Variants in ANKHD1 observed in about 807,000 individuals in gnomAD.
The protein encoded by ANKHD1 is ankyrin repeat and KH domain containing 1.
In ANKHD1, 31 loss-of-function variants were observed where a neutral mutation model predicts 230.5. The observed-to-expected ratio is 0.13, with a 90% CI of 0.10 to 0.18. The LOEUF (loss-of-function observed/expected upper bound fraction) is 0.18, where lower values mean the gene tolerates loss of function less well. Ranked by LOEUF, ANKHD1 falls within the 10% of genes least tolerant of loss-of-function variation. ANKHD1 has a pLI of 1.00. For missense variants in ANKHD1, 2,256 were observed against 3,071.3 expected (o/e 0.73, Z 6.27); for synonymous variants, 1,074 against 1,117.6 (o/e 0.96, Z 0.78).
rs775263834 is a variant in ANKHD1 at position 140,512,818 on chromosome 5, C to T, written c.4105-10C>T. 1.6e-5 allele frequency: 25 copies of T among 1,576,098 alleles called. No individual in the cohort carries two copies. Among genetic ancestry groups the T allele is most frequent in the African/African-American group, 2.7e-5 (2 of 72,736 alleles). On this transcript the variant is annotated splice_polypyrimidine_tract_variant and intron_variant, in intron 22 of 33. Transcript: ENST00000360839. Reference sequence around the variant, plus strand: ...TGCTACCTTGTCTAAGATTGTTGTACTTCTTATAGGGTCATGTAAAAGTTG... The same window carrying T: ...TGCTACCTTGTCTAAGATTGTTGTATTTCTTATAGGGTCATGTAAAAGTTG...
At chr5:140,489,636 A>T (rs1439555864) in intron 14 of ANKHD1, among the ~76,000 whole-genome samples, 1 of 152,150 alleles carries the variant, frequency 6.6e-6, no homozygotes, top group South Asian at 2.1e-4. Flanking sequence ...TTAAGTTTAT[A>T]CTCTAGTGAG....
At chr5:140,516,198 G>A (rs1032479052) in intron 24 of ANKHD1, among the ~76,000 whole-genome samples, 7 of 152,146 alleles carry the variant, frequency 4.6e-5, no homozygotes, top group South Asian at 4.1e-4. Context: ...GGGTATCAGC[G>A]ATGGAAAATG....
rs1753717187 is a variant in ANKHD1, at chr5:140,529,228, G to A, written c.6282G>A (p.Met2094Ile). 1 of 1,614,184 alleles carries A rather than the reference G, an allele frequency of 6.2e-7. No homozygotes were observed. ...TGTCTGATTTAAGTCCTATGTCAAT[G>A]CCTTTTGCATCTAACTCAGAACCTG... is the stretch of plus-strand genomic sequence containing the variant. ...SSVSDLSPMS[M>I]PFASNSEPAP... The change falls in exon 29 of 34, where the codon ATG becomes ATA. Residue 2094 changes from methionine (M) to isoleucine (I), a missense_variant. By Grantham distance (10) the Met-to-Ile change is conservative. This residue lies in a region of ANKHD1 where 778 missense variants were observed against 966.5 expected (regional missense o/e 0.80). Transcript: ENST00000360839.
chr5:140,441,320 A>C (rs750157185), intron 5 of ANKHD1, among the ~76,000 whole-genome samples, 178 bp downstream of exon 5: 10 of 152,202 alleles, frequency 6.6e-5, no homozygotes, highest in Non-Finnish European at 1.3e-4. Flanking sequence ...TCTTTAAAAC[A>C]CACTTAGAGT....
rs1358381610 is a variant in ANKHD1 at position 140,402,376 on chromosome 5, T to C, written c.306+103T>C. On this transcript the variant is annotated intron_variant, in intron 1 of 33. Transcript: ENST00000360839. ...CCTCCCGCTTCCCTGGTGGAGCCCT[T>C]CTGTGACAGCGGTCGGCTCCATGGC... is the stretch of plus-strand genomic sequence containing the variant. 18 of 1,357,710 alleles carry C rather than the reference T, an allele frequency of 1.3e-5. No homozygotes were observed. In the African/African-American group the frequency reaches 2.2e-4, roughly 16 times the overall value. 84.1% of individuals were successfully genotyped at this position (1,357,710 alleles called of 1,614,324 possible).
At chr5:140,494,651 C>CA (rs1426345922) in intron 14 of ANKHD1, among the ~76,000 whole-genome samples, 1 of 151,824 alleles carries the variant, frequency 6.6e-6, no homozygotes, top group African/African-American at 2.4e-5. Flanking sequence ...TCTATTCTAG[C>CA]AAAAAAGTAG....
At chr5:140,449,470 C>T (rs1256041151) in intron 7 of ANKHD1, among the ~76,000 whole-genome samples, 165 bp downstream of exon 7, 1 of 152,112 alleles carries the variant, frequency 6.6e-6, no homozygotes, top group Non-Finnish European at 1.5e-5. Context: ...CGAGACCAGC[C>T]TGGCCAGTAT....
rs1322015116 is a variant in ANKHD1, at chr5:140,500,429, C to G, written c.3004+3151C>G. ...TGGCAGGCAGAGGCAGGCGGCGGAT[C>G]ACTTGAAATCAGGAGTTCAAGACCA... On this transcript the variant is annotated intron_variant, in intron 15 of 33. Transcript: ENST00000360839. Among the ~76,000 whole-genome samples the G allele has an allele frequency of 5.9e-5, 9 of 151,906 alleles. No homozygotes were observed. In the East Asian group the frequency reaches 1.7e-3, roughly 29 times the overall value.
At position 140,428,083 on chromosome 5, in the gene ANKHD1, C is replaced by G. The variant is rs574249420; in HGVS notation, c.307-8021C>G. 3.4e-3 allele frequency among the ~76,000 whole-genome samples: 513 copies of G among 151,922 alleles called. 2 individuals carry two copies. Among genetic ancestry groups the G allele is most frequent in the Admixed American group, 0.011 (161 of 15,276 alleles). Reference sequence around the variant, plus strand: ...CCTCACTTCCTAGATGGGATGGCGGCCGGGAAGAGGTGCTCCTCACTTCCT... The same window carrying G: ...CCTCACTTCCTAGATGGGATGGCGGGCGGGAAGAGGTGCTCCTCACTTCCT... On this transcript the variant is annotated intron_variant, in intron 1 of 33. Coordinates refer to ENST00000360839, the MANE Select transcript of ANKHD1 (RefSeq NM_017747.3).
chr5:140,501,883 T>G (rs866804720), intron 15 of ANKHD1, among the ~76,000 whole-genome samples: 2 of 152,130 alleles, frequency 1.3e-5, no homozygotes, highest in Admixed American at 1.3e-4. Flanking sequence ...ATACTGTACT[T>G]ACTTCTCTCA....
rs140261862 is a variant in ANKHD1 at position 140,421,596 on chromosome 5, C to T, written c.307-14508C>T. 2.1e-3 allele frequency among the ~76,000 whole-genome samples: 325 copies of T among 152,184 alleles called. 4 individuals carry two copies. In the East Asian group the frequency reaches 0.045, roughly 21 times the overall value. On this transcript the variant is annotated intron_variant, in intron 1 of 33. Transcript: ENST00000360839. Reference sequence around the variant, plus strand: ...GATTACAGGCTTGAGCCACCGTGCCCGGCCGAGTTTTTGCATCTCGTAACA... The same window carrying T: ...GATTACAGGCTTGAGCCACCGTGCCTGGCCGAGTTTTTGCATCTCGTAACA...
At chr5:140,435,654 C>G (rs1677965235) in intron 1 of ANKHD1, among the ~76,000 whole-genome samples, 1 of 152,076 alleles carries the variant, frequency 6.6e-6, no homozygotes. Flanking sequence ...GCTAGGATTA[C>G]AGGTGTGAGC....
intron 9 of ANKHD1, among the ~76,000 whole-genome samples, chr5:140,462,754 AT>A (rs1459454496): frequency 7.0e-6 from 1 of 143,212 alleles, no homozygotes; most frequent in African/African-American, 2.5e-5. Flanking sequence ...GGCAAGAAAA[AT>A]GTTTGTCTTT....
chr5:140,416,142 A>C (rs547730800), intron 1 of ANKHD1, among the ~76,000 whole-genome samples: 1 of 152,334 alleles, frequency 6.6e-6, no homozygotes, highest in African/African-American at 2.4e-5. Context: ...GCTGCATAGC[A>C]TTCCATGGTG....
Position 140,485,756 on chromosome 5 carries a change from G to T in ANKHD1, c.2142+24G>T, listed in dbSNP as rs1405349737. 6.2e-7 allele frequency: 1 copy of T among 1,607,668 alleles called. No individual in the cohort carries two copies. Among genetic ancestry groups the T allele is most frequent in the Admixed American group, 1.7e-5 (1 of 57,984 alleles). ...AGGTAAAGTAAAATGGAGCTTGTTT[G>T]TTAATATAAATATTCTTCAACATGA... On this transcript the variant is annotated intron_variant, in intron 13 of 33. Transcript: ENST00000360839. This position sits in a 1 kb window ranked among gnomAD's most constrained non-coding sequence, Gnocchi z 4.8.
chr5:140,490,013 A>G (rs1186993170), intron 14 of ANKHD1, among the ~76,000 whole-genome samples: 1 of 152,262 alleles, frequency 6.6e-6, no homozygotes, highest in African/African-American at 2.4e-5. Context: ...AGGAAAACCT[A>G]TCTTAAATAA....
intron 20 of ANKHD1, 147 bp from the exon 21 acceptor site, chr5:140,509,490 C>A: frequency 1.1e-6 from 1 of 933,648 alleles, no homozygotes; most frequent in South Asian, 4.3e-5. Flanking sequence ...TATTGCTTAG[C>A]TCTTTTATGA....
intron 1 of ANKHD1, among the ~76,000 whole-genome samples, chr5:140,431,666 G>T (rs1773055517): frequency 6.6e-6 from 1 of 152,122 alleles, no homozygotes; most frequent in South Asian, 2.1e-4. Context: ...GATAGAACTG[G>T]TACTTGAACC....
chr5:140,487,617 TA>T (rs1209856008), intron 14 of ANKHD1, among the ~76,000 whole-genome samples: 3 of 152,188 alleles, frequency 2.0e-5, no homozygotes, highest in African/African-American at 7.2e-5. Flanking sequence ...GTATACTACT[TA>T]AAAAACTCAA....
Sources: allele counts gnomAD v4.1 joint callset (sites outside exome capture counted in the v4.1 genomes callset), GRCh38; gene constraint gnomAD v4.1.1; regional missense constraint gnomAD v4.1.1; non-coding constraint Gnocchi (gnomAD v3.1); transcripts MANE v1.5; gene names NCBI Gene and HGNC (gene_info 2026-07-23, HGNC 2026-07-21).